Variants in MLPH observed in about 807,000 individuals in gnomAD.
The protein encoded by MLPH is exophilin-3.
A neutral mutation model predicts 72.1 loss-of-function variants in MLPH; 51 were observed. That is an observed-to-expected ratio of 0.71 (90% CI 0.56 to 0.89). MLPH has a LOEUF of 0.89. MLPH is among the 40% of genes least tolerant of loss of function. The probability of loss-of-function intolerance (pLI) is 0.00; values close to 1 mark genes in which losing one functional copy is unlikely to be tolerated. For synonymous variants in MLPH, 301 were observed against 310.1 expected (o/e 0.97, Z 0.31); for missense variants, 743 against 759.9 (o/e 0.98, Z 0.26).
chr2:237,516,589 G>T (rs541890404), intron 4 of MLPH, among the ~76,000 whole-genome samples: 76 of 152,358 alleles, frequency 5.0e-4, no homozygotes, highest in African/African-American at 1.8e-3. Flanking sequence ...CTGCAGACAT[G>T]GTCAGACCTG....
intron 8 of MLPH, among the ~76,000 whole-genome samples, chr2:237,530,333 G>A (rs532364239): frequency 2.6e-5 from 4 of 152,332 alleles, no homozygotes; most frequent in South Asian, 2.1e-4. Flanking sequence ...GGGCTCCTCC[G>A]ACATCCTGTC....
intron 4 of MLPH, among the ~76,000 whole-genome samples, chr2:237,515,742 G>C (rs2080003475): frequency 6.6e-6 from 1 of 152,168 alleles, no homozygotes; most frequent in Admixed American, 6.5e-5. Flanking sequence ...CCAGGGGTGG[G>C]ACCCAGCCCT....
At chr2:237,488,416 C>A (rs7588180) in intron 1 of MLPH, among the ~76,000 whole-genome samples, 17 of 143,880 alleles carry the variant, frequency 1.2e-4, no homozygotes, top group East Asian at 9.7e-4. Flanking sequence ...CCTAGGAAAC[C>A]CATCCCTCCA....
chr2:237,504,864 C>T (rs2079731164), intron 2 of MLPH, among the ~76,000 whole-genome samples: 1 of 152,198 alleles, frequency 6.6e-6, no homozygotes, highest in Non-Finnish European at 1.5e-5. Context: ...TGGTCGAAAA[C>T]TTCACCCAAC....
chr2:237,529,360 T>C (rs1393765863), intron 8 of MLPH, among the ~76,000 whole-genome samples: 1 of 152,200 alleles, frequency 6.6e-6, no homozygotes, highest in Non-Finnish European at 1.5e-5. Context: ...AGGCTTTATA[T>C]AGGCATTAAG....
chr2:237,510,456 T>C lies in MLPH; in HGVS notation c.111-118T>C. On this transcript the variant is annotated intron_variant, in intron 2 of 15. Transcript: ENST00000264605. The surrounding 1 kb of genome is among the most constrained non-coding windows in gnomAD (Gnocchi z 4.4). ...TCACTGTTTTCTGCATAGGAGACAG[T>C]TACTGTGTGTGTGTATGTGTCTGTG... The C allele has an allele frequency of 1.0e-6, 1 of 987,922 alleles. No individual in the cohort carries two copies. The highest frequency in any genetic ancestry group is 1.6e-6 in the Non-Finnish European group (1 of 634,164). The allele number at this position is 987,922 out of a possible 1,614,324, so 61.2% of individuals were successfully genotyped here.
intron 9 of MLPH, among the ~76,000 whole-genome samples, chr2:237,539,959 TG>T (rs1035766270): frequency 6.6e-6 from 1 of 152,192 alleles, no homozygotes; most frequent in Non-Finnish European, 1.5e-5. Context: ...CAAGGCTGTC[TG>T]TGTATTTCCC....
At chr2:237,553,452 A>G in intron 15 of MLPH, 114 bp from the exon 16 acceptor site, 2 of 950,758 alleles carry the variant, frequency 2.1e-6, no homozygotes, top group Non-Finnish European at 1.6e-6. Flanking sequence ...GTGTCTACAG[A>G]TGTGCACATC....
In MLPH at chr2:237,527,463, G is replaced by T. The variant is rs374857388; in HGVS notation, c.967G>T (p.Val323Leu). 6.2e-7 allele frequency: 1 copy of T among 1,614,090 alleles called. No homozygotes were observed. Among genetic ancestry groups the T allele is most frequent in the African/African-American group, 1.3e-5 (1 of 74,932 alleles). Reference sequence around the variant, plus strand: ...TGATGAGGAAAGCATCCGGGCTCACGTGATGGCCTCCCACCATTCCAAGCG... The same window carrying T: ...TGATGAGGAAAGCATCCGGGCTCACTTGATGGCCTCCCACCATTCCAAGCG... ...TSDEESIRAH[V>L]MASHHSKRRG... The change falls in exon 8 of 16, where the codon GTG becomes TTG. Residue 323 changes from valine to leucine, a missense_variant. By Grantham distance (32) the Val-to-Leu change is conservative. Coordinates refer to ENST00000264605, the MANE Select transcript of MLPH (RefSeq NM_024101.7).
chr2:237,512,018 C>T lies in MLPH; in HGVS notation c.445+917C>T, dbSNP rs753349933. 6.6e-6 allele frequency among the ~76,000 whole-genome samples: 1 copy of T among 152,238 alleles called. No individual in the cohort carries two copies. Among genetic ancestry groups the T allele is most frequent in the Non-Finnish European group, 1.5e-5 (1 of 68,050 alleles). On this transcript the variant is annotated intron_variant, in intron 4 of 15. Coordinates refer to ENST00000264605, the MANE Select transcript of MLPH (RefSeq NM_024101.7). The surrounding 1 kb of genome is among the most constrained non-coding windows in gnomAD (Gnocchi z 5.5). Reference sequence around the variant, plus strand: ...AAGCATTCGGGTGGGACAGCCGCCACCAAGCCAGGTGTCTGGGGTCTCAGT... The same window carrying T: ...AAGCATTCGGGTGGGACAGCCGCCATCAAGCCAGGTGTCTGGGGTCTCAGT...
At chr2:237,515,507 G>A (rs1207096102) in intron 4 of MLPH, among the ~76,000 whole-genome samples, 4 of 152,188 alleles carry the variant, frequency 2.6e-5, no homozygotes, top group Admixed American at 1.3e-4. Context: ...GGATCCCCAC[G>A]GGGATCACAG....
chr2:237,525,732 A>C lies in MLPH; in HGVS notation c.807A>C (p.Arg269Ser). 1 of 1,614,078 alleles carries C rather than the reference A, an allele frequency of 6.2e-7. No homozygotes were observed. The highest frequency in any genetic ancestry group is 8.5e-7 in the Non-Finnish European group (1 of 1,180,042). The stretch of plus-strand genomic sequence containing the variant: ...AGCCGACCAGCATCTCACCTTCCAG[A>C]CACGGCGCCCTGGCTGAGCTCTGCC... ...EEQPTSISPS[R>S]HGALAELCPP... The change falls in exon 7 of 16, where the codon AGA (arginine) becomes AGC (serine). Residue 269 changes from arginine (R) to serine (S), a missense_variant. Transcript: ENST00000264605.
In MLPH at chr2:237,525,681, T is replaced by C; in HGVS notation, c.756T>C (p.Ser252=). 1.2e-6 allele frequency: 2 copies of C among 1,614,174 alleles called. No homozygotes were observed. The highest frequency in any genetic ancestry group is 1.7e-6 in the Non-Finnish European group (2 of 1,180,030). The change falls in exon 7 of 16, where the codon TCT becomes TCC. Residue 252 remains serine, a synonymous_variant. Coordinates refer to ENST00000264605, the MANE Select transcript of MLPH (RefSeq NM_024101.7). The part of the protein sequence containing the change: ...EGLEEADTGA[S]GCHSHPEEQP... ...TGGAGGAGGCTGATACTGGGGCCTC[T>C]GGGTGCCACTCCCATCCGGAAGAGC...
chr2:237,518,051 T>C (rs921167903), intron 4 of MLPH: 1 of 266,366 alleles, frequency 3.8e-6, no homozygotes, highest in African/African-American at 2.3e-5. Flanking sequence ...GGTGAGTGGA[T>C]GAGCCACTGA....
At chr2:237,488,092 C>T (rs2106441437) in intron 1 of MLPH, among the ~76,000 whole-genome samples, 1 of 152,270 alleles carries the variant, frequency 6.6e-6, no homozygotes, top group Middle Eastern at 3.4e-3. Flanking sequence ...CGGGCTTAGA[C>T]ACCGCGTCCC....
intron 2 of MLPH, among the ~76,000 whole-genome samples, chr2:237,501,801 T>A (rs1012370457): frequency 2.2e-4 from 34 of 151,414 alleles, no homozygotes; most frequent in African/African-American, 7.8e-4. Flanking sequence ...TGAGCTGAGA[T>A]CGCGCCACTG....
At chr2:237,538,908 C>A (rs1023208166) in intron 9 of MLPH, among the ~76,000 whole-genome samples, 1 of 152,214 alleles carries the variant, frequency 6.6e-6, no homozygotes, top group Admixed American at 6.5e-5. Context: ...CCTCACTGAG[C>A]GTGGGATTTG....
intron 13 of MLPH, among the ~76,000 whole-genome samples, chr2:237,548,198 C>T (rs1354143919): frequency 6.6e-6 from 1 of 152,208 alleles, no homozygotes; most frequent in Non-Finnish European, 1.5e-5. Context: ...CCATGCCTGA[C>T]ACCCACACTC....
At chr2:237,501,635 T>C (rs1225805564) in intron 2 of MLPH, among the ~76,000 whole-genome samples, 4 of 136,782 alleles carry the variant, frequency 2.9e-5, no homozygotes, top group African/African-American at 1.1e-4. Context: ...GAGGCCAGCC[T>C]GGCTAACATA....
Sources: gnomAD v4.1 joint callset for allele counts (sites outside exome capture counted in the v4.1 genomes callset) on GRCh38, gnomAD v4.1.1 for gene constraint, Gnocchi (gnomAD v3.1) non-coding constraint, MANE v1.5 for transcripts, NCBI Gene and HGNC (gene_info 2026-07-23, HGNC 2026-07-21) for gene names.